Variants in RIT2 observed in about 807,000 individuals in gnomAD.
The protein encoded by RIT2 is Ras like without CAAX 2.
Under a neutral mutation model 23.7 loss-of-function variants are expected in RIT2, and 24 were observed. The ratio of observed to expected loss-of-function variants is 1.01; its 90% CI spans 0.73 to 1.43. The LOEUF (loss-of-function observed/expected upper bound fraction) is 1.43. RIT2 is among the 40% of genes most tolerant of loss of function. The pLI is 0.00. For synonymous variants in RIT2, 107 were observed against 91.1 expected (o/e 1.17, Z -0.99); for missense variants, 236 against 266.9 (o/e 0.88, Z 0.81).
intron 2 of RIT2, among the ~76,000 whole-genome samples, chr18:43,003,858 A>G (rs1404648708): frequency 6.6e-6 from 1 of 150,784 alleles, no homozygotes; most frequent in South Asian, 2.1e-4. Context: ...AATTGTCAGT[A>G]TGGTCTAGAA....
chr18:43,100,747 A>G (rs938359923), intron 1 of RIT2, among the ~76,000 whole-genome samples: 1 of 152,128 alleles, frequency 6.6e-6, no homozygotes, highest in Non-Finnish European at 1.5e-5. Context: ...TTGGACCTGC[A>G]CAATTGGAAA....
chr18:42,822,271 C>A (rs1906173371), intron 4 of RIT2, among the ~76,000 whole-genome samples: 1 of 152,136 alleles, frequency 6.6e-6, no homozygotes, highest in Non-Finnish European at 1.5e-5. Flanking sequence ...TTTAAAGCTT[C>A]TACACCTGTA....
At chr18:42,788,908 G>C (rs1913979883) in intron 4 of RIT2, among the ~76,000 whole-genome samples, 1 of 152,038 alleles carries the variant, frequency 6.6e-6, no homozygotes, top group Admixed American at 6.5e-5. Flanking sequence ...CATCAGTATG[G>C]GGCAGAACTG....
At chr18:43,080,732 A>G (rs1913137300) in intron 1 of RIT2, among the ~76,000 whole-genome samples, 1 of 152,212 alleles carries the variant, frequency 6.6e-6, no homozygotes, top group South Asian at 2.1e-4. Flanking sequence ...CTCCCAATTT[A>G]CTGCAGAAGA....
chr18:42,879,506 C>T (rs1482984978), intron 4 of RIT2, among the ~76,000 whole-genome samples: 2 of 152,024 alleles, frequency 1.3e-5, no homozygotes, highest in African/African-American at 4.8e-5. Context: ...TTTATGATCA[C>T]TTGCATATCA....
intron 1 of RIT2, among the ~76,000 whole-genome samples, chr18:43,084,019 A>G (rs1420478135): frequency 6.6e-6 from 1 of 152,202 alleles, no homozygotes; most frequent in African/African-American, 2.4e-5. Context: ...ATCCATGAGG[A>G]ACACAAATAA....
chr18:43,063,993 G>A (rs182387265), intron 1 of RIT2, among the ~76,000 whole-genome samples: 7 of 152,200 alleles, frequency 4.6e-5, no homozygotes, highest in Admixed American at 6.5e-5. Flanking sequence ...AAAAATTTAC[G>A]TCCAGAGAAG....
At chr18:43,027,050 T>C (rs1385662321) in intron 2 of RIT2, among the ~76,000 whole-genome samples, 1 of 152,000 alleles carries the variant, frequency 6.6e-6, no homozygotes, top group Non-Finnish European at 1.5e-5. Context: ...AAAAAGTGGA[T>C]GAAATCCAAG....
intron 1 of RIT2, among the ~76,000 whole-genome samples, chr18:43,056,027 G>A (rs944726237): frequency 6.6e-6 from 1 of 152,034 alleles, no homozygotes; most frequent in African/African-American, 2.4e-5. Flanking sequence ...TCCATAGTGT[G>A]TGTGGATAAT....
At chr18:43,063,992 C>T (rs75337255) in intron 1 of RIT2, among the ~76,000 whole-genome samples, 2,445 of 152,154 alleles carry the variant, frequency 0.016, 56 homozygotes, top group African/African-American at 0.053. Flanking sequence ...GAAAAATTTA[C>T]GTCCAGAGAA....
intron 4 of RIT2, among the ~76,000 whole-genome samples, chr18:42,824,992 T>G (rs1307742276): frequency 6.6e-6 from 1 of 151,910 alleles, no homozygotes; most frequent in East Asian, 1.9e-4. Flanking sequence ...TCCCATCAAC[T>G]CCATTAATTG....
intron 1 of RIT2, among the ~76,000 whole-genome samples, chr18:43,103,492 A>G (rs541203136): frequency 6.6e-6 from 1 of 152,220 alleles, no homozygotes; most frequent in Non-Finnish European, 1.5e-5. Flanking sequence ...GCTCAAAGAA[A>G]CTGTGTAACT....
intron 4 of RIT2, among the ~76,000 whole-genome samples, chr18:42,881,106 A>G (rs1598697495): frequency 1.3e-5 from 2 of 151,836 alleles, no homozygotes; most frequent in East Asian, 3.9e-4. Context: ...GCACCCACCC[A>G]TCTTCCTACC....
chr18:42,858,427 C>G (rs946539546), intron 4 of RIT2, among the ~76,000 whole-genome samples: 6 of 152,092 alleles, frequency 3.9e-5, no homozygotes, highest in African/African-American at 1.4e-4. Flanking sequence ...AAATGTATGA[C>G]TAGGCACAAG....
intron 4 of RIT2, among the ~76,000 whole-genome samples, chr18:42,919,821 G>A (rs1045218720): frequency 2.0e-5 from 3 of 152,070 alleles, no homozygotes; most frequent in African/African-American, 7.2e-5. Flanking sequence ...TGCACAGCCG[G>A]TCAGGGTTTT....
chr18:42,838,336 C>T (rs980745169), intron 4 of RIT2, among the ~76,000 whole-genome samples: 2 of 151,970 alleles, frequency 1.3e-5, no homozygotes, highest in African/African-American at 4.8e-5. Flanking sequence ...CTTTATTCTG[C>T]ATATCATTTT....
Position 42,943,328 on chromosome 18 carries a change from C to A in RIT2, c.235-19565G>T, listed in dbSNP as rs141017195. On this transcript the variant is annotated intron_variant, in intron 3 of 4. Coordinates refer to ENST00000326695, the MANE Select transcript of RIT2 (RefSeq NM_002930.4). ...TCCAATCCTCTTGCTAGCTATGGAG[C>A]ACTGATTGGTGTGTTTTTACAGAGC... is the stretch of plus-strand genomic sequence containing the variant. Among the ~76,000 whole-genome samples, 1,108 of 152,110 alleles carry A rather than the reference C, an allele frequency of 7.3e-3. 13 individuals carry two copies. Among genetic ancestry groups the A allele is most frequent in the African/African-American group, 0.023 (936 of 41,526 alleles).
chr18:43,106,386 C>G (rs181437651), intron 1 of RIT2, among the ~76,000 whole-genome samples: 1 of 152,224 alleles, frequency 6.6e-6, no homozygotes, highest in East Asian at 1.9e-4. Flanking sequence ...AAGTGACTAC[C>G]CAAACATTGA....
At chr18:43,007,767 C>A (rs767613066) in intron 2 of RIT2, among the ~76,000 whole-genome samples, 6 of 151,802 alleles carry the variant, frequency 4.0e-5, no homozygotes, top group Non-Finnish European at 7.4e-5. Context: ...ACTAGAGAAT[C>A]ATCTCATTAT....
Sources: allele counts gnomAD v4.1 joint callset (sites outside exome capture counted in the v4.1 genomes callset), GRCh38; gene constraint gnomAD v4.1.1; transcripts MANE v1.5; gene names NCBI Gene and HGNC (gene_info 2026-07-23, HGNC 2026-07-21).